The following KLHL42 variants were observed in gnomAD, a reference collection of about 807,000 sequenced individuals.
The protein encoded by KLHL42 is kelch like family member 42.
KLHL42 carries 27 observed loss-of-function variants against 32.7 expected under a neutral mutation model. The observed-to-expected ratio is 0.83, with a 90% confidence interval of 0.61 to 1.14. The LOEUF (loss-of-function observed/expected upper bound fraction) is 1.14, where lower values mean the gene tolerates loss of function less well. Among genes scored for constraint, KLHL42 ranks in the 50% most tolerant of loss-of-function variants. The pLI is 0.00. For missense variants in KLHL42, 491 were observed against 560.8 expected (o/e 0.88, Z 1.26); for synonymous variants, 267 against 248.2 (o/e 1.08, Z -0.71).
intron 1 of KLHL42, among the ~76,000 whole-genome samples, chr12:27,782,578 T>TG (rs1180154565): frequency 7.2e-5 from 11 of 152,116 alleles, no homozygotes; most frequent in Non-Finnish European, 1.3e-4. Flanking sequence ...TGTGTGGCCA[T>TG]GGGTGGTGGT....
At chr12:27,794,017 G>T (rs1018281718) in intron 2 of KLHL42, among the ~76,000 whole-genome samples, 4 of 152,180 alleles carry the variant, frequency 2.6e-5, no homozygotes, top group African/African-American at 9.7e-5. Flanking sequence ...GGGGATTTAT[G>T]TTAGGAAGAA....
In KLHL42 at chr12:27,791,906, G is replaced by A. The variant is rs377545529; in HGVS notation, c.1066+5G>A. ...TTGGAGGATACACTACCAGAGGTAA[G>A]TGAAGGGACCAGGTAGGTGGTCTGC... is the stretch of plus-strand genomic sequence containing the variant. On this transcript the variant is annotated splice_donor_5th_base_variant and intron_variant, in intron 2 of 2. Coordinates refer to ENST00000381271, the MANE Select transcript of KLHL42 (RefSeq NM_020782.2). 270 of 1,613,552 alleles carry A rather than the reference G, an allele frequency of 1.7e-4. 3 individuals carry two copies. In the South Asian group the frequency reaches 2.8e-3, roughly 17 times the overall value.
At chr12:27,783,876 G>A (rs1308902526) in intron 1 of KLHL42, among the ~76,000 whole-genome samples, 1 of 152,118 alleles carries the variant, frequency 6.6e-6, no homozygotes, top group Non-Finnish European at 1.5e-5. Flanking sequence ...GAGCCACCGC[G>A]CCCGGCCTTA....
At chr12:27,796,421 T>C (rs2062218877) in intron 2 of KLHL42, among the ~76,000 whole-genome samples, 1 of 152,208 alleles carries the variant, frequency 6.6e-6, no homozygotes. Flanking sequence ...CCTTCATGGA[T>C]AGGATTTGTT....
Position 27,780,481 on chromosome 12 carries a change from G to A in KLHL42, c.151G>A (p.Val51Met), listed in dbSNP as rs1443358494. 6.5e-7 allele frequency: 1 copy of A among 1,545,310 alleles called. No individual in the cohort carries two copies. Among genetic ancestry groups the A allele is most frequent in the Non-Finnish European group, 8.7e-7 (1 of 1,146,288 alleles). ...GAGCCAGGAGGCCGGCGGCCCGGAG[G>A]TGCAGCAGCTGCGCGGCCTCAGCGC... The part of the protein sequence containing the change: ...ALSQEAGGPE[V>M]QQLRGLSAPG... Residue 51 changes from valine (V) to methionine (M), a missense_variant, in exon 1 of 3, where the codon GTG becomes ATG. Transcript: ENST00000381271. The surrounding 1 kb of genome is among the most constrained non-coding windows in gnomAD (Gnocchi z 8.8).
chr12:27,783,863 C>G (rs2062159567), intron 1 of KLHL42, among the ~76,000 whole-genome samples: 1 of 152,042 alleles, frequency 6.6e-6, no homozygotes, highest in Admixed American at 6.6e-5. Flanking sequence ...GGATTACAGG[C>G]GTGAGCCACC....
chr12:27,780,918 C>T lies in KLHL42; in HGVS notation c.588C>T (p.Leu196=), dbSNP rs139400429. 4.9e-5 allele frequency: 78 copies of T among 1,606,792 alleles called. No individual in the cohort carries two copies. Among genetic ancestry groups the T allele is most frequent in the Admixed American group, 8.4e-5 (5 of 59,816 alleles). Residue 196 remains leucine (L), a synonymous_variant, in exon 1 of 3, where the codon CTC becomes CTT. Coordinates refer to ENST00000381271, the MANE Select transcript of KLHL42 (RefSeq NM_020782.2). The surrounding 1 kb of genome is among the most constrained non-coding windows in gnomAD (Gnocchi z 8.8). ...REARMTGTPV[L]VALGDFLGGP... is the part of the protein sequence containing the mutation. Reference sequence around the variant, plus strand: ...CCCGGATGACTGGGACTCCTGTCCTCGTGGCCCTCGGGGACTTCCTGGGGG... The same window carrying T: ...CCCGGATGACTGGGACTCCTGTCCTTGTGGCCCTCGGGGACTTCCTGGGGG...
intron 1 of KLHL42, among the ~76,000 whole-genome samples, chr12:27,788,798 A>G (rs12315186): frequency 0.027 from 4,110 of 152,300 alleles, 123 homozygotes; most frequent in African/African-American, 0.072. Flanking sequence ...TCTAATGATA[A>G]TATTTTTATT....
In KLHL42 at chr12:27,780,433, C is replaced by G. The variant is rs866345279; in HGVS notation, c.103C>G (p.Arg35Gly). 4 of 1,551,904 alleles carry G rather than the reference C, an allele frequency of 2.6e-6. No individual in the cohort carries two copies. The highest frequency in any genetic ancestry group is 3.5e-6 in the Non-Finnish European group (4 of 1,149,938). ...GAGCGACTACTTCCGCGCCCTCTAC[C>G]GCTCCGGCATGCGCGAGGCCCTGAG... is the stretch of plus-strand genomic sequence containing the variant. ...EQSDYFRALYRSGMREALSQE... is the reference protein window; with the variant it reads ...EQSDYFRALYGSGMREALSQE... The change falls in exon 1 of 3, where the codon CGC becomes GGC. Residue 35 changes from arginine to glycine, a missense_variant. Physicochemically the swap from Arg to Gly is moderately radical, Grantham distance 125 (BLOSUM62 -2). Around this residue, in one of 4 missense-constraint regions of KLHL42, gnomAD observed 88 missense variants for 89.0 expected, o/e 0.99. Transcript: ENST00000381271. The surrounding 1 kb of genome is among the most constrained non-coding windows in gnomAD (Gnocchi z 8.8).
intron 1 of KLHL42, among the ~76,000 whole-genome samples, chr12:27,786,719 GTTT>G (rs11341444): frequency 4.9e-5 from 5 of 101,142 alleles, no homozygotes; most frequent in Non-Finnish European, 5.8e-5. Flanking sequence ...GATTGAAAGA[GTTT>G]TTTTTTTTTT....
At chr12:27,785,417 C>G (rs1299483749) in intron 1 of KLHL42, among the ~76,000 whole-genome samples, 1 of 152,102 alleles carries the variant, frequency 6.6e-6, no homozygotes, top group Non-Finnish European at 1.5e-5. Flanking sequence ...CTATGTTACC[C>G]AGGCTGGTCT....
rs1284583838 is a variant in KLHL42 at position 27,798,731 on chromosome 12, C to T, written c.*565C>T. ...TTAGGAAACTTATAATGATGGAGCC[C>T]TACAGTGAATCCTTACCAGTGTTCA... On this transcript the variant is annotated 3_prime_UTR_variant, in exon 3 of 3. Transcript: ENST00000381271. 1.3e-5 allele frequency: 2 copies of T among 152,088 alleles called. No homozygotes were observed. The highest frequency in any genetic ancestry group is 3.8e-4 in the East Asian group (2 of 5,198). The allele number at this position is 152,088 out of a possible 1,614,324, so 9.4% of individuals were successfully genotyped here. A position where few individuals can be genotyped will look rare whatever the true frequency, so the allele number is the denominator to read the frequency against.
At chr12:27,785,745 G>A (rs1201414668) in intron 1 of KLHL42, among the ~76,000 whole-genome samples, 1 of 151,976 alleles carries the variant, frequency 6.6e-6, no homozygotes, top group Admixed American at 6.6e-5. Context: ...CAATGCTTAT[G>A]TATAGCCCTA....
Position 27,798,538 on chromosome 12 carries a change from T to G in KLHL42, c.*372T>G. On this transcript the variant is annotated 3_prime_UTR_variant, in exon 3 of 3. Coordinates refer to ENST00000381271, the MANE Select transcript of KLHL42 (RefSeq NM_020782.2). ...TTAAAATCTGTTGTATTTAGGTCCCTTGACATATCATTAGCACCTTAAGTG... is the reference window on the plus strand; with the variant it reads ...TTAAAATCTGTTGTATTTAGGTCCCGTGACATATCATTAGCACCTTAAGTG... 1 of 213,618 alleles carries G rather than the reference T, an allele frequency of 4.7e-6. No homozygotes were observed. Among genetic ancestry groups the G allele is most frequent in the Non-Finnish European group, 9.5e-6 (1 of 105,788 alleles). The allele number at this position is 213,618 out of a possible 1,614,324, so 13.2% of individuals were successfully genotyped here.
At position 27,780,730 on chromosome 12, in the gene KLHL42, T is replaced by C. The variant is rs1192677792; in HGVS notation, c.400T>C (p.Tyr134His). Reference protein sequence around the residue: ...QVRLNNCLEMYRLAQVYGLPD... With the variant: ...QVRLNNCLEMHRLAQVYGLPD... ...GCGGCTCAATAACTGCCTGGAGATGTACCGCCTGGCGCAGGTGTACGGGCT... is the reference window on the plus strand; with the variant it reads ...GCGGCTCAATAACTGCCTGGAGATGCACCGCCTGGCGCAGGTGTACGGGCT... Residue 134 changes from tyrosine (Y) to histidine (H), a missense_variant, in exon 1 of 3, where the codon TAC (tyrosine) becomes CAC (histidine). Tyr to His is a moderately conservative substitution (Grantham distance 83, BLOSUM62 2). Transcript: ENST00000381271. This position sits in a 1 kb window ranked among gnomAD's most constrained non-coding sequence, Gnocchi z 8.8. The C allele has an allele frequency of 6.2e-7, 1 of 1,613,208 alleles. No homozygotes were observed. The highest frequency in any genetic ancestry group is 1.3e-5 in the African/African-American group (1 of 74,936).
At chr12:27,794,056 C>T (rs976041976) in intron 2 of KLHL42, among the ~76,000 whole-genome samples, 13 of 152,338 alleles carry the variant, frequency 8.5e-5, no homozygotes, top group African/African-American at 2.4e-4. Flanking sequence ...TGATGAACAT[C>T]TGATTTATTT....
In KLHL42 at chr12:27,780,473, G is replaced by A; in HGVS notation, c.143G>A (p.Gly48Asp). The change falls in exon 1 of 3, where the codon GGC becomes GAC. Residue 48 changes from glycine to aspartate, a missense_variant. Around this residue, in one of 4 missense-constraint regions of KLHL42, gnomAD observed 88 missense variants for 89.0 expected, o/e 0.99. Transcript: ENST00000381271. This position sits in a 1 kb window ranked among gnomAD's most constrained non-coding sequence, Gnocchi z 8.8. ...GAGGCCCTGAGCCAGGAGGCCGGCGGCCCGGAGGTGCAGCAGCTGCGCGGC... is the reference window on the plus strand; with the variant it reads ...GAGGCCCTGAGCCAGGAGGCCGGCGACCCGGAGGTGCAGCAGCTGCGCGGC... ...MREALSQEAG[G>D]PEVQQLRGLS... 6.5e-7 allele frequency: 1 copy of A among 1,544,462 alleles called. No individual in the cohort carries two copies. The highest frequency in any genetic ancestry group is 1.4e-5 in the African/African-American group (1 of 71,726).
At chr12:27,782,625 C>T (rs2062153910) in intron 1 of KLHL42, among the ~76,000 whole-genome samples, 1 of 152,154 alleles carries the variant, frequency 6.6e-6, no homozygotes, top group Non-Finnish European at 1.5e-5. Context: ...TCTCTCACTC[C>T]TCTTGCATTC....
rs562073283 is a variant in KLHL42 at position 27,801,130 on chromosome 12, G to T, written c.*2964G>T. 6.5e-6 allele frequency: 1 copy of T among 152,698 alleles called. No individual in the cohort carries two copies. The highest frequency in any genetic ancestry group is 2.1e-4 in the South Asian group (1 of 4,824). 9.5% of individuals were successfully genotyped at this position (152,698 alleles called of 1,614,324 possible). On this transcript the variant is annotated 3_prime_UTR_variant, in exon 3 of 3. Transcript: ENST00000381271. ...GTCACAACGACGAAGTGCTGAGAAG[G>T]TTATGGGTACCAGGAAGAAACAAAC... is the stretch of plus-strand genomic sequence containing the variant.
Sources: allele counts gnomAD v4.1 joint callset (sites outside exome capture counted in the v4.1 genomes callset), GRCh38; gene constraint gnomAD v4.1.1; regional missense constraint gnomAD v4.1.1; non-coding constraint Gnocchi (gnomAD v3.1); transcripts MANE v1.5; gene names NCBI Gene and HGNC (gene_info 2026-07-23, HGNC 2026-07-21).